CELA2B: variants seen among roughly 807,000 people sequenced by gnomAD.
CELA2B encodes the protein chymotrypsin-like elastase family member 2B.
In CELA2B, 27 loss-of-function variants were observed where a neutral mutation model predicts 36.5. The ratio of observed to expected loss-of-function variants is 0.74; its 90% CI spans 0.55 to 1.02. CELA2B has a LOEUF of 1.02. Among genes scored for constraint, CELA2B ranks in the 50% least tolerant of loss-of-function variants. CELA2B has a pLI of 0.00. For missense variants in CELA2B, 340 were observed against 347.8 expected (o/e 0.98, Z 0.18); for synonymous variants, 143 against 148.5 (o/e 0.96, Z 0.27).
In CELA2B at chr1:15,481,083, T is replaced by C. The variant is rs747677881; in HGVS notation, c.130-15T>C. 2 of 1,612,064 alleles carry C rather than the reference T, an allele frequency of 1.2e-6. No individual in the cohort carries two copies. The highest frequency in any genetic ancestry group is 4.5e-5 in the East Asian group (2 of 44,886). On this transcript the variant is annotated splice_polypyrimidine_tract_variant and intron_variant, in intron 2 of 7. Coordinates refer to ENST00000375910, the MANE Select transcript of CELA2B (RefSeq NM_015849.3). Reference sequence around the variant, plus strand: ...GCTTTTTCAGCCACAGCCACAGACCTGTGTTTCTCCCCAGGTCTCCCTGCA... The same window carrying C: ...GCTTTTTCAGCCACAGCCACAGACCCGTGTTTCTCCCCAGGTCTCCCTGCA...
At chr1:15,484,276 C>T (rs978638339) in intron 5 of CELA2B, among the ~76,000 whole-genome samples, 13 of 152,078 alleles carry the variant, frequency 8.5e-5, no homozygotes, top group African/African-American at 1.4e-4. Flanking sequence ...ACATAGACTC[C>T]AAGGGTCAGA....
At chr1:15,484,623 A>T (rs1359358312) in intron 5 of CELA2B, among the ~76,000 whole-genome samples, 6 of 152,018 alleles carry the variant, frequency 3.9e-5, no homozygotes, top group East Asian at 1.9e-4. Flanking sequence ...AAGCACAACC[A>T]CCTGTTTGTT....
chr1:15,478,819 G>A (rs1421272182), intron 2 of CELA2B, among the ~76,000 whole-genome samples: 6 of 151,978 alleles, frequency 3.9e-5, no homozygotes, highest in Admixed American at 2.0e-4. Context: ...CACCTGCCTC[G>A]GCCTTCCAAA....
chr1:15,479,135 T>A (rs1304001019), intron 2 of CELA2B, among the ~76,000 whole-genome samples: 1 of 151,892 alleles, frequency 6.6e-6, no homozygotes, highest in Non-Finnish European at 1.5e-5. Flanking sequence ...GGTGGGGGAG[T>A]AGATACTTTT....
At chr1:15,484,099 C>T (rs528380950) in intron 5 of CELA2B, among the ~76,000 whole-genome samples, 1 of 152,124 alleles carries the variant, frequency 6.6e-6, no homozygotes, top group Admixed American at 6.5e-5. Context: ...TTCTGTGTGG[C>T]CCAAGGCTAG....
At chr1:15,477,574 C>T (rs1708687941) in intron 2 of CELA2B, among the ~76,000 whole-genome samples, 1 of 152,156 alleles carries the variant, frequency 6.6e-6, no homozygotes, top group Admixed American at 6.5e-5. Context: ...CCCATAATAT[C>T]TCATCTACAA....
At chr1:15,490,539 C>T (rs182953763) in intron 7 of CELA2B, among the ~76,000 whole-genome samples, 122 of 152,240 alleles carry the variant, frequency 8.0e-4, no homozygotes, top group Admixed American at 3.5e-3. Context: ...GATATCCTGC[C>T]GTTTACAGCA....
At chr1:15,482,933 C>T (rs12139377) in intron 4 of CELA2B, among the ~76,000 whole-genome samples, 40,675 of 137,656 alleles carry the variant, frequency 0.3, 5,851 homozygotes, top group East Asian at 0.56. Context: ...CTACAAGTGC[C>T]CACCACCACA....
At chr1:15,479,693 G>T (rs186630149) in intron 2 of CELA2B, among the ~76,000 whole-genome samples, 24 of 152,322 alleles carry the variant, frequency 1.6e-4, no homozygotes, top group East Asian at 1.5e-3. Flanking sequence ...GTACATGAGC[G>T]TGCACGCATG....
intron 5 of CELA2B, 163 bp from the exon 6 acceptor site, chr1:15,485,738 C>G: frequency 1.1e-6 from 1 of 883,358 alleles, no homozygotes; most frequent in African/African-American, 1.7e-5. Flanking sequence ...CAGTGGCCAG[C>G]ACACTAACCA....
chr1:15,476,242 C>T, intron 1 of CELA2B, 77 bp downstream of exon 1: 1 of 1,595,122 alleles, frequency 6.3e-7, no homozygotes, highest in Non-Finnish European at 8.6e-7. Context: ...GTCCTCCCCT[C>T]TCGCCCCCAC....
chr1:15,487,980 C>CCT (rs3060900), intron 7 of CELA2B, among the ~76,000 whole-genome samples: 98,992 of 151,924 alleles, frequency 0.65, 33,690 homozygotes, highest in African/African-American at 0.86. Flanking sequence ...AGTTGGTCCC[C>CCT]GTCTTGTAAA....
intron 7 of CELA2B, among the ~76,000 whole-genome samples, chr1:15,489,768 A>T (rs1708851557): frequency 6.6e-6 from 1 of 152,166 alleles, no homozygotes; most frequent in African/African-American, 2.4e-5. Flanking sequence ...GGTAATACAT[A>T]CTCTTTGTAA....
In CELA2B at chr1:15,485,912, CT is replaced by C. The variant is rs775210115; in HGVS notation, c.506del (p.Leu169ProfsTer5). 1.4e-5 allele frequency: 22 copies of C among 1,614,242 alleles called. No homozygotes were observed. The highest frequency in any genetic ancestry group is 1.9e-5 in the Non-Finnish European group (22 of 1,180,046). ...GWGRLQTNGA[L>X]PDDLKQGQLL... Reference sequence around the variant, plus strand: ...CTGGTCTCATTCAGCCAACGGGGCTCTCCCTGATGACCTGAAGCAGGGCCAG... The same window carrying C: ...CTGGTCTCATTCAGCCAACGGGGCTCCCCTGATGACCTGAAGCAGGGCCAG... On this transcript the variant is annotated frameshift_variant, in exon 6 of 8. Transcript: ENST00000375910. LOFTEE classifies it high-confidence loss of function.
chr1:15,478,240 T>G (rs1708696989), intron 2 of CELA2B, among the ~76,000 whole-genome samples: 1 of 149,278 alleles, frequency 6.7e-6, no homozygotes, highest in South Asian at 2.1e-4. Flanking sequence ...TTTGTTTGTT[T>G]GTTTGTTTTT....
At chr1:15,479,643 G>A (rs551706620) in intron 2 of CELA2B, among the ~76,000 whole-genome samples, 2 of 152,344 alleles carry the variant, frequency 1.3e-5, no homozygotes, top group Non-Finnish European at 2.9e-5. Flanking sequence ...GAGTAAAGCA[G>A]AGTAAGGGGA....
In CELA2B at chr1:15,483,366, C is replaced by A; in HGVS notation, c.459C>A (p.Tyr153Ter). Residue 153 changes from tyrosine to a stop codon, truncating the protein, a stop_gained, in exon 5 of 8, where the codon TAC (tyrosine) becomes TAA (stop). Coordinates refer to ENST00000375910, the MANE Select transcript of CELA2B (RefSeq NM_015849.3). LOFTEE classifies it high-confidence loss of function. ...PPAGTILPNN[Y>*]PCYVTGWGRL... ...CCGGCACCATTCTACCCAACAACTA[C>A]CCCTGCTACGTCACGGGCTGGGGAA... 1 of 1,614,178 alleles carries A rather than the reference C, an allele frequency of 6.2e-7. No homozygotes were observed. The highest frequency in any genetic ancestry group is 8.5e-7 in the Non-Finnish European group (1 of 1,180,006).
intron 6 of CELA2B, among the ~76,000 whole-genome samples, chr1:15,486,795 A>G (rs995014478): frequency 3.3e-5 from 5 of 152,154 alleles, no homozygotes; most frequent in African/African-American, 9.7e-5. Flanking sequence ...TCTGTGTTGG[A>G]CTTAGCAGTG....
chr1:15,481,149 T>C lies in CELA2B; in HGVS notation c.181T>C (p.Ser61Pro). 1 of 1,613,620 alleles carries C rather than the reference T, an allele frequency of 6.2e-7. No homozygotes were observed. Among genetic ancestry groups the C allele is most frequent in the Non-Finnish European group, 8.5e-7 (1 of 1,180,014 alleles). ...NGQWYHTCGG[S>P]LIANSWVLTA... ...CCAGTGGTACCACACCTGCGGAGGG[T>C]CCCTGATAGCCAACAGCTGGGTCCT... is the stretch of plus-strand genomic sequence containing the variant. Residue 61 changes from serine (S) to proline (P), a missense_variant, in exon 3 of 8, where the codon TCC (serine) becomes CCC (proline). By Grantham distance (74) the Ser-to-Pro change is moderately conservative (BLOSUM62 -1). Transcript: ENST00000375910.
Sources: gnomAD v4.1 joint callset for allele counts (sites outside exome capture counted in the v4.1 genomes callset) on GRCh38, gnomAD v4.1.1 for gene constraint, MANE v1.5 for transcripts, NCBI Gene and HGNC (gene_info 2026-07-23, HGNC 2026-07-21) for gene names.